MAMDC2: variants seen among roughly 807,000 people sequenced by gnomAD.
MAMDC2 encodes MAM domain containing 2, also known as MAM domain-containing protein 2.
Under a neutral mutation model 89.8 loss-of-function variants are expected in MAMDC2, and 57 were observed. That is an observed-to-expected ratio of 0.63 (90% CI 0.51 to 0.79). The LOEUF (loss-of-function observed/expected upper bound fraction) is 0.79, where lower values mean the gene tolerates loss of function less well. Ranked by LOEUF, MAMDC2 falls within the 30% of genes least tolerant of loss-of-function variation. The pLI is 0.00. For missense variants in MAMDC2, 800 were observed against 820.6 expected (o/e 0.97, Z 0.31); for synonymous variants, 313 against 293.4 (o/e 1.07, Z -0.68).
intron 4 of MAMDC2, 68 bp from the exon 5 acceptor site, chr9:70,112,927 C>G: frequency 6.3e-7 from 1 of 1,586,424 alleles, no homozygotes; most frequent in Non-Finnish European, 8.6e-7. Context: ...AGAGCAAACT[C>G]TGTAGTAGGA....
In MAMDC2 at chr9:70,183,555, T is replaced by C. The variant is rs186614342; in HGVS notation, c.1651+12924T>C. Among the ~76,000 whole-genome samples, 135 of 152,372 alleles carry C rather than the reference T, an allele frequency of 8.9e-4. 1 individual carries two copies. Among genetic ancestry groups the C allele is most frequent in the African/African-American group, 3.2e-3 (132 of 41,590 alleles). On this transcript the variant is annotated intron_variant, in intron 11 of 13. Coordinates refer to ENST00000377182, the MANE Select transcript of MAMDC2 (RefSeq NM_153267.5). ...GTATTTGGTGCATATATATTTAGGATAGTTAGCTCTTCTTGTTGCATTGAT... is the reference window on the plus strand; with the variant it reads ...GTATTTGGTGCATATATATTTAGGACAGTTAGCTCTTCTTGTTGCATTGAT...
chr9:70,127,130 A>T lies in MAMDC2; in HGVS notation c.900+715A>T, dbSNP rs1387202549. On this transcript the variant is annotated intron_variant, in intron 6 of 13. Coordinates refer to ENST00000377182, the MANE Select transcript of MAMDC2 (RefSeq NM_153267.5). ...CGTACATGAATACATGTCTGTATCTATGTATGTATTTCAGAAGCTACAAGT... is the reference window on the plus strand; with the variant it reads ...CGTACATGAATACATGTCTGTATCTTTGTATGTATTTCAGAAGCTACAAGT... Among the ~76,000 whole-genome samples the T allele has an allele frequency of 4.6e-5, 7 of 152,296 alleles. No homozygotes were observed. In the East Asian group the frequency reaches 9.7e-4, roughly 21 times the overall value.
intron 2 of MAMDC2, among the ~76,000 whole-genome samples, chr9:70,080,426 G>A (rs774584618): frequency 3.9e-5 from 6 of 152,100 alleles, no homozygotes; most frequent in South Asian, 2.1e-4. Flanking sequence ...GGTCAACAGC[G>A]ATCTAACTCA....
At chr9:70,108,720 C>G (rs572703610) in intron 3 of MAMDC2, among the ~76,000 whole-genome samples, 58 of 152,276 alleles carry the variant, frequency 3.8e-4, no homozygotes, top group African/African-American at 1.3e-3. Context: ...CTGTAAAAAT[C>G]TAAATGGGGC....
At chr9:70,187,318 C>G (rs1927144) in intron 11 of MAMDC2, among the ~76,000 whole-genome samples, 131,047 of 151,914 alleles carry the variant, frequency 0.86, 56,702 homozygotes, top group East Asian at 0.96. Context: ...GGTATTTTCT[C>G]TTGGCCAATT....
At chr9:70,209,023 T>G (rs1454987989) in intron 11 of MAMDC2, among the ~76,000 whole-genome samples, 2 of 152,206 alleles carry the variant, frequency 1.3e-5, no homozygotes, top group Non-Finnish European at 2.9e-5. Context: ...TGCTGCTGGA[T>G]TCGGTTTGCC....
intron 11 of MAMDC2, among the ~76,000 whole-genome samples, chr9:70,201,222 A>G (rs1587565265): frequency 1.3e-4 from 1 of 7,622 alleles, no homozygotes; most frequent in Non-Finnish European, 2.1e-4. Context: ...TTTGAAATAC[A>G]TCCCATCAAT....
At chr9:70,121,473 C>T (rs1036755041) in intron 5 of MAMDC2, among the ~76,000 whole-genome samples, 2 of 152,102 alleles carry the variant, frequency 1.3e-5, no homozygotes, top group Non-Finnish European at 2.9e-5. Context: ...GATTGATTTT[C>T]ACTCTGTGTA....
intron 2 of MAMDC2, chr9:70,105,990 T>C (rs952446587): frequency 6.6e-6 from 1 of 152,250 alleles, no homozygotes; most frequent in Admixed American, 6.5e-5. Flanking sequence ...CCTATTTACC[T>C]GTCCATACAT....
intron 2 of MAMDC2, chr9:70,071,544 G>A (rs1827409204): frequency 6.6e-6 from 1 of 152,196 alleles, no homozygotes; most frequent in Non-Finnish European, 1.5e-5. Flanking sequence ...AATGAAGGCG[G>A]TGGAGACACA....
chr9:70,147,526 C>A (rs556113989), intron 9 of MAMDC2, among the ~76,000 whole-genome samples: 1 of 149,876 alleles, frequency 6.7e-6, no homozygotes, highest in Non-Finnish European at 1.5e-5. Context: ...CCCTTTACAA[C>A]TTTAGTACAC....
chr9:70,077,963 G>A (rs1030586870), intron 2 of MAMDC2, among the ~76,000 whole-genome samples: 1 of 151,756 alleles, frequency 6.6e-6, no homozygotes, highest in African/African-American at 2.4e-5. Flanking sequence ...TCATTTGTAT[G>A]TATGTGTCCC....
chr9:70,153,726 CT>C (rs1354950901), intron 9 of MAMDC2: 1 of 151,380 alleles, frequency 6.6e-6, no homozygotes, highest in Non-Finnish European at 1.5e-5. Context: ...TGTCATAGGA[CT>C]GAAAAAAAAA....
At chr9:70,177,192 T>G (rs2032525494) in intron 11 of MAMDC2, among the ~76,000 whole-genome samples, 1 of 152,208 alleles carries the variant, frequency 6.6e-6, no homozygotes, top group Admixed American at 6.5e-5. Flanking sequence ...ATATCTAAAC[T>G]GTCAGCATCA....
At chr9:70,086,516 G>A (rs1827773736) in intron 2 of MAMDC2, 1 of 152,134 alleles carries the variant, frequency 6.6e-6, no homozygotes, top group African/African-American at 2.4e-5. Context: ...TGGCAGTAGT[G>A]TTTGTATTGG....
At chr9:70,211,356 C>T (rs1029106133) in intron 11 of MAMDC2, among the ~76,000 whole-genome samples, 2 of 152,132 alleles carry the variant, frequency 1.3e-5, no homozygotes, top group Non-Finnish European at 2.9e-5. Context: ...AACGTCTCTT[C>T]TCACTTCATT....
chr9:70,125,229 C>T (rs1051139023), intron 5 of MAMDC2, among the ~76,000 whole-genome samples: 2 of 152,140 alleles, frequency 1.3e-5, no homozygotes, highest in African/African-American at 4.8e-5. Context: ...TTGTGAATGG[C>T]GTTGTAATTG....
intron 6 of MAMDC2, among the ~76,000 whole-genome samples, chr9:70,129,293 CTCTCT>C (rs2030693515): frequency 6.6e-6 from 1 of 152,178 alleles, no homozygotes; most frequent in Non-Finnish European, 1.5e-5. Context: ...CCTGCACAAG[CTCTCT>C]TCTCTTCTCT....
intron 7 of MAMDC2, among the ~76,000 whole-genome samples, chr9:70,136,944 G>T (rs1417077001): frequency 6.6e-6 from 1 of 152,130 alleles, no homozygotes; most frequent in Non-Finnish European, 1.5e-5. Flanking sequence ...GGTGCTGACA[G>T]AATCAGGCAG....
Sources: allele counts gnomAD v4.1 joint callset (sites outside exome capture counted in the v4.1 genomes callset), GRCh38; gene constraint gnomAD v4.1.1; transcripts MANE v1.5; gene names NCBI Gene and HGNC (gene_info 2026-07-23, HGNC 2026-07-21).